The following SNTG1 variants were observed in gnomAD, a reference collection of about 807,000 sequenced individuals.
SNTG1 encodes the protein gamma-1-syntrophin.
In SNTG1, 39 loss-of-function variants were observed where a neutral mutation model predicts 74.7. That is an observed-to-expected ratio of 0.52 (90% CI 0.40 to 0.68). SNTG1 has a LOEUF of 0.68. Ranked by LOEUF, SNTG1 falls within the 30% of genes least tolerant of loss-of-function variation. The pLI is 0.00. For missense variants in SNTG1, 685 were observed against 609.5 expected (o/e 1.12, Z -1.30); for synonymous variants, 254 against 217.1 (o/e 1.17, Z -1.49).
chr8:50,430,444 AC>A (rs758630062), intron 4 of SNTG1, among the ~76,000 whole-genome samples: 3 of 152,118 alleles, frequency 2.0e-5, no homozygotes, highest in Non-Finnish European at 4.4e-5. Context: ...ACACAGAGAA[AC>A]CTGGATTCCC....
upstream of SNTG1, chr8:49,910,841 C>T (rs1223469928): frequency 6.6e-6 from 1 of 152,298 alleles, no homozygotes; most frequent in Non-Finnish European, 1.5e-5. Flanking sequence ...GTCTTTGTGC[C>T]TTCTTTATCC....
intron 10 of SNTG1, among the ~76,000 whole-genome samples, chr8:50,530,522 A>G (rs1293085054): frequency 6.6e-6 from 1 of 152,214 alleles, no homozygotes; most frequent in Non-Finnish European, 1.5e-5. Flanking sequence ...ATAATATACA[A>G]TCATTTTAGA....
chr8:50,679,798 T>C (rs2095323937), intron 15 of SNTG1, among the ~76,000 whole-genome samples: 2 of 152,180 alleles, frequency 1.3e-5, no homozygotes, highest in South Asian at 4.1e-4. Flanking sequence ...GGTGGTGAGA[T>C]GACATTTGAT....
At chr8:50,104,397 C>T (rs1008572118) in intron 1 of SNTG1, among the ~76,000 whole-genome samples, 5 of 152,106 alleles carry the variant, frequency 3.3e-5, no homozygotes, top group African/African-American at 7.2e-5. Flanking sequence ...TCTGTGGGAT[C>T]GGTGCTGATA....
At chr8:50,694,919 T>C (rs1418458026) in intron 15 of SNTG1, among the ~76,000 whole-genome samples, 1 of 149,612 alleles carries the variant, frequency 6.7e-6, no homozygotes, top group Admixed American at 6.7e-5. Context: ...AGATTAGTTA[T>C]AAAAGAAATG....
intron 4 of SNTG1, among the ~76,000 whole-genome samples, chr8:50,405,000 G>A (rs900842612): frequency 4.6e-5 from 7 of 151,956 alleles, no homozygotes; most frequent in Admixed American, 4.6e-4. Context: ...CCCTTCAAAG[G>A]CTGAATAATA....
intron 1 of SNTG1, among the ~76,000 whole-genome samples, chr8:50,033,875 T>C (rs1817939467): frequency 6.6e-6 from 1 of 152,214 alleles, no homozygotes; most frequent in Non-Finnish European, 1.5e-5. Flanking sequence ...TCATAAATGT[T>C]CCTATTATTT....
intron 17 of SNTG1, among the ~76,000 whole-genome samples, chr8:50,736,947 A>G (rs1174128530): frequency 6.6e-6 from 1 of 152,168 alleles, no homozygotes; most frequent in Non-Finnish European, 1.5e-5. Flanking sequence ...CTAAATTCCC[A>G]CTGGAGAAAG....
At chr8:50,597,656 A>G (rs2094740469) in intron 13 of SNTG1, among the ~76,000 whole-genome samples, 1 of 151,860 alleles carries the variant, frequency 6.6e-6, no homozygotes, top group East Asian at 1.9e-4. Context: ...GGGTGTACCA[A>G]TTTACATTCC....
chr8:50,433,682 G>C (rs188386218), intron 4 of SNTG1, among the ~76,000 whole-genome samples: 1 of 152,156 alleles, frequency 6.6e-6, no homozygotes, highest in Admixed American at 6.5e-5. Flanking sequence ...TAATTACTTA[G>C]AATAATGTTT....
At chr8:49,990,926 G>GA (rs1443620400) in intron 1 of SNTG1, among the ~76,000 whole-genome samples, 1 of 152,004 alleles carries the variant, frequency 6.6e-6, no homozygotes, top group African/African-American at 2.4e-5. Context: ...AGTAGCAATA[G>GA]AAAAAATGGA....
At chr8:50,306,297 T>G (rs993862132) in intron 2 of SNTG1, among the ~76,000 whole-genome samples, 1 of 152,022 alleles carries the variant, frequency 6.6e-6, no homozygotes, top group African/African-American at 2.4e-5. Flanking sequence ...ATTCATTGAT[T>G]GATGGACACT....
intron 17 of SNTG1, among the ~76,000 whole-genome samples, chr8:50,748,259 T>C (rs1453332976): frequency 6.6e-6 from 1 of 152,048 alleles, no homozygotes; most frequent in Non-Finnish European, 1.5e-5. Flanking sequence ...TAAATGTATT[T>C]ATTGGAACCT....
intron 18 of SNTG1, among the ~76,000 whole-genome samples, chr8:50,777,218 C>CAT (rs34381602): frequency 0.017 from 2,450 of 143,562 alleles, 37 homozygotes; most frequent in South Asian, 0.036. Flanking sequence ...ACATGAATAG[C>CAT]ATATATATAT....
intron 15 of SNTG1, among the ~76,000 whole-genome samples, chr8:50,676,455 G>C (rs1400639542): frequency 6.6e-6 from 1 of 151,896 alleles, no homozygotes. Context: ...TTCTCGTGCT[G>C]TGTTACGCAG....
At chr8:50,732,467 A>AT (rs1187339029) in intron 17 of SNTG1, among the ~76,000 whole-genome samples, 1 of 151,762 alleles carries the variant, frequency 6.6e-6, no homozygotes, top group Non-Finnish European at 1.5e-5. Flanking sequence ...TATTACTTGC[A>AT]TTTTTCCGTA....
chr8:49,936,796 A>G (rs1049072314), intron 1 of SNTG1, among the ~76,000 whole-genome samples: 4 of 152,152 alleles, frequency 2.6e-5, no homozygotes, highest in African/African-American at 9.7e-5. Flanking sequence ...TCAAGCAAAA[A>G]ACAGCAATTA....
Position 50,553,167 on chromosome 8 carries a change from C to T in SNTG1, c.798C>T (p.Leu266=). The change falls in exon 12 of 19, where the codon CTC becomes CTT. Residue 266 remains leucine (L), a synonymous_variant. Coordinates refer to ENST00000642720, the MANE Select transcript of SNTG1 (RefSeq NM_018967.5). ...LQAIATNISN[L]TKHNIKKINR... is the part of the protein sequence containing the mutation. ...CAATAGCAACTAACATTTCAAATCT[C>T]ACAAAGCACAATGTAAGTAATGATT... The T allele has an allele frequency of 6.2e-7, 1 of 1,613,812 alleles. No homozygotes were observed. Among genetic ancestry groups the T allele is most frequent in the Non-Finnish European group, 8.5e-7 (1 of 1,179,822 alleles).
At chr8:50,113,086 T>G (rs2131313297) in intron 1 of SNTG1, among the ~76,000 whole-genome samples, 1 of 152,290 alleles carries the variant, frequency 6.6e-6, no homozygotes, top group East Asian at 1.9e-4. Context: ...ATGTGGGCTC[T>G]TTTTTGGTTC....
Sources: gnomAD v4.1 joint callset for allele counts (sites outside exome capture counted in the v4.1 genomes callset) on GRCh38, gnomAD v4.1.1 for gene constraint, MANE v1.5 for transcripts, NCBI Gene and HGNC (gene_info 2026-07-23, HGNC 2026-07-21) for gene names.